Variants in EMILIN2 observed in about 807,000 individuals in gnomAD.
EMILIN2 encodes the protein EMILIN-2.
Under a neutral mutation model 87.1 loss-of-function variants are expected in EMILIN2, and 71 were observed. That is an observed-to-expected ratio of 0.82 (90% CI 0.67 to 0.99). The LOEUF (loss-of-function observed/expected upper bound fraction) is 0.99. EMILIN2 is among the 50% of genes least tolerant of loss of function. The probability of loss-of-function intolerance (pLI) is 0.00; values close to 1 mark genes in which losing one functional copy is unlikely to be tolerated. For synonymous variants in EMILIN2, 581 were observed against 563.4 expected (o/e 1.03, Z -0.44); for missense variants, 1,407 against 1,371.8 (o/e 1.03, Z -0.40).
At position 2,900,259 on chromosome 18, in the gene EMILIN2, C is replaced by T. The variant is rs555532063; in HGVS notation, c.2360-6524C>T. 3.3e-5 allele frequency among the ~76,000 whole-genome samples: 5 copies of T among 152,282 alleles called. No individual in the cohort carries two copies. In the East Asian group the frequency reaches 7.7e-4, roughly 24 times the overall value. ...CTGGAGTACAGTGGTGTGATTATAT[C>T]TCACTACAGCCTTGAACTCCTGGGC... On this transcript the variant is annotated intron_variant, in intron 4 of 7. Coordinates refer to ENST00000254528, the MANE Select transcript of EMILIN2 (RefSeq NM_032048.3).
chr18:2,853,863 C>T (rs979910403), intron 2 of EMILIN2, among the ~76,000 whole-genome samples: 1 of 152,230 alleles, frequency 6.6e-6, no homozygotes, highest in African/African-American at 2.4e-5. Flanking sequence ...TTCTTACAGC[C>T]TCCAATACCC....
intron 5 of EMILIN2, 107 bp from the exon 6 acceptor site, chr18:2,908,836 T>C: frequency 1.5e-6 from 2 of 1,325,114 alleles, no homozygotes; most frequent in Non-Finnish European, 2.2e-6. Flanking sequence ...TCTATAGTAG[T>C]GAAGACTCGA....
intron 4 of EMILIN2, among the ~76,000 whole-genome samples, chr18:2,904,173 C>T (rs371778020): frequency 6.6e-6 from 1 of 152,186 alleles, no homozygotes; most frequent in East Asian, 1.9e-4. Context: ...GTTTCCAATA[C>T]TGTTGAGAAG....
In EMILIN2 at chr18:2,880,561, G is replaced by A. The variant is rs1269611326; in HGVS notation, c.258-4403G>A. On this transcript the variant is annotated intron_variant, in intron 2 of 7. Coordinates refer to ENST00000254528, the MANE Select transcript of EMILIN2 (RefSeq NM_032048.3). The surrounding 1 kb of genome is among the most constrained non-coding windows in gnomAD (Gnocchi z 4.1). ...GGGCTGGGGCACCATCACAGTCACAGCCGAGGCTGGGAAGGGAGCCAGGGC... is the reference window on the plus strand; with the variant it reads ...GGGCTGGGGCACCATCACAGTCACAACCGAGGCTGGGAAGGGAGCCAGGGC... 1.3e-5 allele frequency among the ~76,000 whole-genome samples: 2 copies of A among 152,212 alleles called. No homozygotes were observed. Among genetic ancestry groups the A allele is most frequent in the African/African-American group, 4.8e-5 (2 of 41,456 alleles).
chr18:2,865,032 G>A (rs143636752), intron 2 of EMILIN2, among the ~76,000 whole-genome samples: 7,460 of 151,808 alleles, frequency 0.049, 718 homozygotes, highest in East Asian at 0.47. Context: ...TTGTGCATTC[G>A]TCACGTAGTT....
chr18:2,872,542 C>T (rs1021197238), intron 2 of EMILIN2, among the ~76,000 whole-genome samples: 91 of 152,128 alleles, frequency 6.0e-4, no homozygotes, highest in African/African-American at 2.0e-3. Context: ...TTTTAATACT[C>T]GATGAAAAAG....
At chr18:2,858,579 G>GTTTATATA (rs1173565497) in intron 2 of EMILIN2, among the ~76,000 whole-genome samples, 2 of 62,406 alleles carry the variant, frequency 3.2e-5, no homozygotes, top group South Asian at 6.3e-4. Context: ...ATGTGTGTGT[G>GTTTATATA]TGTGTATATA....
intron 4 of EMILIN2, among the ~76,000 whole-genome samples, chr18:2,905,304 G>GT (rs1339474363): frequency 2.0e-5 from 2 of 98,442 alleles, no homozygotes; most frequent in Non-Finnish European, 3.9e-5. Flanking sequence ...GTGGGGCGGG[G>GT]GGGGGGCATG....
rs1172867613 is a variant in EMILIN2 at position 2,913,540 on chromosome 18, G to A, written c.*136G>A. 1.3e-5 allele frequency: 9 copies of A among 688,794 alleles called. No homozygotes were observed. The highest frequency in any genetic ancestry group is 4.7e-6 in the Non-Finnish European group (2 of 422,750). 42.7% of individuals were successfully genotyped at this position (688,794 alleles called of 1,614,324 possible). On this transcript the variant is annotated 3_prime_UTR_variant, in exon 8 of 8. Transcript: ENST00000254528. ...CCCAACATAAAGGCCTTCCCTCGCT[G>A]TTGAGGCCACCATGCCTTACTGCAT...
At chr18:2,881,001 G>A (rs1423382403) in intron 2 of EMILIN2, among the ~76,000 whole-genome samples, 1 of 152,224 alleles carries the variant, frequency 6.6e-6, no homozygotes, top group Non-Finnish European at 1.5e-5. Flanking sequence ...TGAAGAGGGT[G>A]ACCCAGAATC....
chr18:2,883,822 T>C (rs2076789141), intron 2 of EMILIN2, among the ~76,000 whole-genome samples: 1 of 152,202 alleles, frequency 6.6e-6, no homozygotes, highest in Admixed American at 6.5e-5. Flanking sequence ...GGCATCTTTG[T>C]AAAAAGTGGA....
Position 2,906,941 on chromosome 18 carries a change from G to T in EMILIN2, c.2518G>T (p.Gly840Cys). The change falls in exon 5 of 8, where the codon GGC becomes TGC. Residue 840 changes from glycine to cysteine, a missense_variant. Gly to Cys is a radical substitution (Grantham distance 159). Coordinates refer to ENST00000254528, the MANE Select transcript of EMILIN2 (RefSeq NM_032048.3). The part of the protein sequence containing the change: ...PPEERPPQPP[G>C]STGVIAETGQ... The stretch of plus-strand genomic sequence containing the variant: ...CGAGGAGAGGCCGCCCCAGCCGCCA[G>T]GCTCCACCGGGGTCATCGCGGAGAC... 1 of 1,399,700 alleles carries T rather than the reference G, an allele frequency of 7.1e-7. No homozygotes were observed. Among genetic ancestry groups the T allele is most frequent in the Non-Finnish European group, 9.3e-7 (1 of 1,074,678 alleles). The allele number at this position is 1,399,700 out of a possible 1,614,324, so 86.7% of individuals were successfully genotyped here. A position where few individuals can be genotyped will look rare whatever the true frequency, so the allele number is the denominator to read the frequency against.
intron 4 of EMILIN2, among the ~76,000 whole-genome samples, chr18:2,893,932 C>CTT (rs2076851656): frequency 6.6e-6 from 1 of 152,172 alleles, no homozygotes. Context: ...TGCAGACTTA[C>CTT]TTGGTCCATG....
At chr18:2,850,007 A>G (rs1382157367) in intron 2 of EMILIN2, among the ~76,000 whole-genome samples, 1 of 152,016 alleles carries the variant, frequency 6.6e-6, no homozygotes, top group East Asian at 1.9e-4. Flanking sequence ...GCTCACTGCA[A>G]CAACTGCCTC....
chr18:2,909,142 G>A (rs914391996), intron 6 of EMILIN2, among the ~76,000 whole-genome samples, 167 bp downstream of exon 6: 26 of 152,242 alleles, frequency 1.7e-4, no homozygotes, highest in Admixed American at 1.2e-3. Flanking sequence ...GACTATAGTG[G>A]ACCAAATTCC....
intron 2 of EMILIN2, among the ~76,000 whole-genome samples, chr18:2,875,624 G>A (rs147275843): frequency 4.2e-4 from 64 of 152,252 alleles, no homozygotes; most frequent in African/African-American, 1.3e-3. Flanking sequence ...TTAGGGCAGT[G>A]CCTTGAGTTT....
At chr18:2,859,083 G>A (rs1299491257) in intron 2 of EMILIN2, among the ~76,000 whole-genome samples, 6 of 152,234 alleles carry the variant, frequency 3.9e-5, no homozygotes, top group South Asian at 2.1e-4. Flanking sequence ...GTAGATACCC[G>A]GTAGTGGGGT....
chr18:2,867,983 ACC>A (rs1279398258), intron 2 of EMILIN2, among the ~76,000 whole-genome samples: 2 of 145,640 alleles, frequency 1.4e-5, no homozygotes, highest in Non-Finnish European at 3.0e-5. Context: ...CAGGGGGCTG[ACC>A]CCCCCACCTC....
intron 2 of EMILIN2, among the ~76,000 whole-genome samples, chr18:2,881,272 T>G (rs2076775621): frequency 6.6e-6 from 1 of 152,226 alleles, no homozygotes; most frequent in Non-Finnish European, 1.5e-5. Flanking sequence ...GGATTCCAAC[T>G]GTTGATGCCA....
Sources: gnomAD v4.1 joint callset for allele counts (sites outside exome capture counted in the v4.1 genomes callset) on GRCh38, gnomAD v4.1.1 for gene constraint, Gnocchi (gnomAD v3.1) non-coding constraint, MANE v1.5 for transcripts, NCBI Gene and HGNC (gene_info 2026-07-23, HGNC 2026-07-21) for gene names.